CPPED1: variants seen among roughly 807,000 people sequenced by gnomAD.
CPPED1 encodes serine/threonine-protein phosphatase CPPED1.
Under a neutral mutation model 28.0 loss-of-function variants are expected in CPPED1, and 28 were observed. The ratio of observed to expected loss-of-function variants is 1.00; its 90% confidence interval spans 0.74 to 1.37. The LOEUF (loss-of-function observed/expected upper bound fraction) is 1.37. Ranked by LOEUF, CPPED1 falls within the 40% of genes most tolerant of loss-of-function variation. The pLI, the probability that CPPED1 is intolerant of heterozygous loss-of-function variation, is 0.00. For synonymous variants in CPPED1, 198 were observed against 180.2 expected, an observed-to-expected ratio of 1.10 and a Z score of -0.79; for missense variants, 504 against 416.5, an observed-to-expected ratio of 1.21 and a Z score of -1.83.
rs199580956 is a variant in CPPED1 at position 12,673,035 on chromosome 16, G to GA, written c.716-7921dup. 8.8e-3 allele frequency among the ~76,000 whole-genome samples: 1,335 copies of GA among 150,970 alleles called. 12 individuals are homozygous for GA. The highest frequency in any genetic ancestry group is 0.012 in the Non-Finnish European group (802 of 67,680). ...TCAAAAGAAAAGAAAAAAGAAAAGA[G>GA]AAAAAAAAAGAAAAAGAAACATTAG... is the stretch of plus-strand genomic sequence containing the variant. On this transcript the variant is annotated intron_variant, in intron 3 of 3. Coordinates refer to ENST00000381774, the MANE Select transcript of CPPED1 (RefSeq NM_018340.3).
At chr16:12,743,605 A>C (rs964834258) in intron 2 of CPPED1, among the ~76,000 whole-genome samples, 2 of 152,250 alleles carry the variant, frequency 1.3e-5, no homozygotes, top group African/African-American at 2.4e-5. Flanking sequence ...AAATACACAA[A>C]GTACTCTAAG....
At chr16:12,716,382 C>T (rs1484949894) in intron 2 of CPPED1, among the ~76,000 whole-genome samples, 1 of 152,210 alleles carries the variant, frequency 6.6e-6, no homozygotes, top group Non-Finnish European at 1.5e-5. Context: ...TATCCAGGGA[C>T]GAAGAAGTTC....
intron 1 of CPPED1, among the ~76,000 whole-genome samples, chr16:12,797,407 G>A (rs2080634038): frequency 1.3e-5 from 2 of 152,140 alleles, no homozygotes; most frequent in Admixed American, 1.3e-4. Context: ...AAATCAGCCA[G>A]GCGTGGTAGC....
chr16:12,675,520 C>A lies in CPPED1; in HGVS notation c.716-10405G>T, dbSNP rs532157588. Among the ~76,000 whole-genome samples, 11 of 152,312 alleles carry A rather than the reference C, an allele frequency of 7.2e-5. No homozygotes were observed. In the South Asian group the frequency reaches 1.9e-3, roughly 26 times the overall value. On this transcript the variant is annotated intron_variant, in intron 3 of 3. Transcript: ENST00000381774. The stretch of plus-strand genomic sequence containing the variant: ...TCAAATCAATCAGAGGATTGGGACA[C>A]AGTCACTGTATAATGTAATATTCTA...
chr16:12,800,319 T>C (rs910938544), intron 1 of CPPED1, among the ~76,000 whole-genome samples: 2 of 151,370 alleles, frequency 1.3e-5, no homozygotes, highest in African/African-American at 4.9e-5. Context: ...ATGCCTGTAA[T>C]CCCAGCTACT....
At chr16:12,692,281 T>G (rs181840464) in intron 3 of CPPED1, among the ~76,000 whole-genome samples, 1 of 152,016 alleles carries the variant, frequency 6.6e-6, no homozygotes, top group Non-Finnish European at 1.5e-5. Flanking sequence ...GTCCCCGGTG[T>G]GGTGAACAGA....
chr16:12,768,754 C>A (rs1567301751), intron 2 of CPPED1, among the ~76,000 whole-genome samples: 1 of 152,172 alleles, frequency 6.6e-6, no homozygotes, highest in Non-Finnish European at 1.5e-5. Flanking sequence ...GTATTAACAA[C>A]CCCCTTGAAT....
chr16:12,727,107 C>A (rs1232488362), intron 2 of CPPED1, among the ~76,000 whole-genome samples: 1 of 152,162 alleles, frequency 6.6e-6, no homozygotes, highest in South Asian at 2.1e-4. Flanking sequence ...AGACCATATA[C>A]AACTGGAGCC....
In CPPED1 at chr16:12,660,255, T is replaced by G. The variant is rs188900734; in HGVS notation, c.*4631A>C. On this transcript the variant is annotated 3_prime_UTR_variant, in exon 4 of 4. Coordinates refer to ENST00000381774, the MANE Select transcript of CPPED1 (RefSeq NM_018340.3). ...TTCTAAGTGTGCTGCAAAGCCCCTT[T>G]AGTGAAGAAATCTACTTCTCAAACA... is the stretch of plus-strand genomic sequence containing the variant. 3 of 152,312 alleles carry G rather than the reference T, an allele frequency of 2.0e-5. No homozygotes were observed. In the East Asian group the frequency reaches 5.8e-4, roughly 29 times the overall value. 9.4% of individuals were successfully genotyped at this position (152,312 alleles called of 1,614,324 possible). A position where few individuals can be genotyped will look rare whatever the true frequency, so the allele number is the denominator to read the frequency against.
intron 3 of CPPED1, among the ~76,000 whole-genome samples, chr16:12,692,090 G>C (rs1416165876): frequency 6.6e-6 from 1 of 152,112 alleles, no homozygotes; most frequent in Non-Finnish European, 1.5e-5. Flanking sequence ...CTGACCTCAA[G>C]TGATCTGCCT....
intron 1 of CPPED1, among the ~76,000 whole-genome samples, chr16:12,794,440 T>C (rs968054400): frequency 1.3e-5 from 2 of 149,602 alleles, no homozygotes; most frequent in Non-Finnish European, 3.0e-5. Context: ...AATAGTGTCC[T>C]TCAGGACCCT....
chr16:12,668,340 T>A (rs973977489), intron 3 of CPPED1, among the ~76,000 whole-genome samples: 8 of 152,168 alleles, frequency 5.3e-5, no homozygotes, highest in African/African-American at 1.4e-4. Flanking sequence ...ATCAAAAATG[T>A]CAAGATAAGG....
intron 2 of CPPED1, among the ~76,000 whole-genome samples, chr16:12,761,496 G>C (rs979825642): frequency 1.3e-5 from 2 of 151,954 alleles, no homozygotes; most frequent in African/African-American, 4.8e-5. Context: ...ATACTATGAC[G>C]AGTACTATTA....
At chr16:12,668,055 G>A (rs1001535541) in intron 3 of CPPED1, among the ~76,000 whole-genome samples, 7 of 152,106 alleles carry the variant, frequency 4.6e-5, no homozygotes, top group African/African-American at 1.7e-4. Context: ...GAATCAAAGA[G>A]TAATGCCTTC....
intron 2 of CPPED1, among the ~76,000 whole-genome samples, chr16:12,759,893 CA>C (rs1269835902): frequency 2.6e-5 from 4 of 152,142 alleles, no homozygotes; most frequent in Admixed American, 6.5e-5. Context: ...AGTGTGAAAA[CA>C]GACTAATACT....
At chr16:12,734,651 AT>A (rs1169379395) in intron 2 of CPPED1, among the ~76,000 whole-genome samples, 1 of 152,104 alleles carries the variant, frequency 6.6e-6, no homozygotes, top group Non-Finnish European at 1.5e-5. Context: ...AGTGCTGGGA[AT>A]AATTTTTTAA....
chr16:12,800,920 C>T (rs1427046796), intron 1 of CPPED1, among the ~76,000 whole-genome samples: 1 of 152,160 alleles, frequency 6.6e-6, no homozygotes, highest in Non-Finnish European at 1.5e-5. Flanking sequence ...GCGTGAATGA[C>T]CTCAGAGCCC....
At position 12,704,969 on chromosome 16, in the gene CPPED1, C is replaced by T. The variant is rs746181084; in HGVS notation, c.370G>A (p.Val124Ile). Reference protein sequence around the residue: ...AVDRAIPLVLVSGNHDIGNTP... With the variant: ...AVDRAIPLVLISGNHDIGNTP... Reference sequence around the variant, plus strand: ...TTGCCAATGTCATGGTTGCCGCTGACAAGGACCAGTGGGATGGCCCTGTCC... The same window carrying T: ...TTGCCAATGTCATGGTTGCCGCTGATAAGGACCAGTGGGATGGCCCTGTCC... The change falls in exon 3 of 4, where the codon GTC (valine) becomes ATC (isoleucine). Residue 124 changes from valine to isoleucine, a missense_variant. Transcript: ENST00000381774. 4.3e-6 allele frequency: 7 copies of T among 1,614,108 alleles called. No homozygotes were observed. In the African/African-American group the frequency reaches 5.3e-5, roughly 12 times the overall value.
At chr16:12,788,501 C>T (rs1219117547) in intron 1 of CPPED1, among the ~76,000 whole-genome samples, 3 of 152,142 alleles carry the variant, frequency 2.0e-5, no homozygotes, top group African/African-American at 7.2e-5. Flanking sequence ...TAGAAATTGT[C>T]AGTGCTGGAA....
Sources: gnomAD v4.1 joint callset for allele counts (sites outside exome capture counted in the v4.1 genomes callset) on GRCh38, gnomAD v4.1.1 for gene constraint, MANE v1.5 for transcripts, NCBI Gene and HGNC (gene_info 2026-07-23, HGNC 2026-07-21) for gene names.